The following GALNT14 variants were observed in gnomAD, a reference collection of about 807,000 sequenced individuals.
GALNT14 encodes UDP-GalNAc:polypeptide N-acetylgalactosaminyltransferase 14.
Under a neutral mutation model 77.5 loss-of-function variants are expected in GALNT14, and 60 were observed. The ratio of observed to expected loss-of-function variants is 0.77; its 90% CI spans 0.63 to 0.96. The LOEUF is 0.96. Among genes scored for constraint, GALNT14 ranks in the 40% least tolerant of loss-of-function variants. GALNT14 has a pLI of 0.00. For synonymous variants in GALNT14, 280 were observed against 281.7 expected, an observed-to-expected ratio of 0.99 and a Z score of 0.06; for missense variants, 710 against 731.0, an observed-to-expected ratio of 0.97 and a Z score of 0.33.
At chr2:31,132,936 A>G (rs938810401) in intron 1 of GALNT14, among the ~76,000 whole-genome samples, 8 of 152,144 alleles carry the variant, frequency 5.3e-5, no homozygotes, top group Admixed American at 5.2e-4. Flanking sequence ...TTCAGATCCT[A>G]CACTGGGTGG....
chr2:31,035,563 G>GTGTA (rs1672666465), intron 1 of GALNT14, among the ~76,000 whole-genome samples: 1 of 137,876 alleles, frequency 7.3e-6, no homozygotes, highest in African/African-American at 2.9e-5. Flanking sequence ...ATGTGTGTGT[G>GTGTA]TGTGTATGTG....
At chr2:30,935,430 A>G (rs2148262830) in intron 9 of GALNT14, among the ~76,000 whole-genome samples, 1 of 152,302 alleles carries the variant, frequency 6.6e-6, no homozygotes, top group East Asian at 1.9e-4. Flanking sequence ...GTCCTGAAGG[A>G]TGTCCATCTC....
At chr2:30,917,519 T>A (rs1029151808) in intron 13 of GALNT14, among the ~76,000 whole-genome samples, 6 of 152,156 alleles carry the variant, frequency 3.9e-5, no homozygotes, top group Admixed American at 1.3e-4. Context: ...CCTTACCCCA[T>A]CTGTCAATAC....
At chr2:31,021,666 C>G (rs1671728830) in intron 1 of GALNT14, among the ~76,000 whole-genome samples, 1 of 152,316 alleles carries the variant, frequency 6.6e-6, no homozygotes, top group East Asian at 1.9e-4. Context: ...CTTGCATGCT[C>G]TCTATGACCA....
chr2:31,008,372 C>T (rs111291294), intron 1 of GALNT14, among the ~76,000 whole-genome samples: 8,310 of 152,202 alleles, frequency 0.055, 683 homozygotes, highest in African/African-American at 0.18. Flanking sequence ...GCTGGGATTA[C>T]AGGTATGAAC....
intron 13 of GALNT14, among the ~76,000 whole-genome samples, chr2:30,918,654 G>A (rs1664837587): frequency 7.9e-6 from 1 of 126,200 alleles, no homozygotes; most frequent in African/African-American, 2.7e-5. Flanking sequence ...GGGCAGGGAG[G>A]ATGGCATCGG....
chr2:30,972,039 C>T (rs539657590), intron 2 of GALNT14, among the ~76,000 whole-genome samples: 30 of 152,358 alleles, frequency 2.0e-4, no homozygotes, highest in East Asian at 5.8e-4. Flanking sequence ...CTTCCTCCTG[C>T]GGCATGCTGC....
At chr2:31,020,141 T>G (rs1671624292) in intron 1 of GALNT14, among the ~76,000 whole-genome samples, 3 of 152,148 alleles carry the variant, frequency 2.0e-5, no homozygotes, top group South Asian at 2.1e-4. Flanking sequence ...AGTCAGGGAC[T>G]TGGGAACACA....
At chr2:30,936,343 A>G (rs1666057904) in intron 9 of GALNT14, among the ~76,000 whole-genome samples, 1 of 152,112 alleles carries the variant, frequency 6.6e-6, no homozygotes, top group Non-Finnish European at 1.5e-5. Context: ...GAAGCAAACC[A>G]CGACTATTCA....
At chr2:30,948,074 G>GCACACAAACACCACCATC (rs1485387680) in intron 6 of GALNT14, among the ~76,000 whole-genome samples, 1 of 152,130 alleles carries the variant, frequency 6.6e-6, no homozygotes, top group Non-Finnish European at 1.5e-5. Context: ...CATACTGCAG[G>GCACACAAACACCACCATC]CACACAAACA....
intron 1 of GALNT14, among the ~76,000 whole-genome samples, chr2:31,020,103 A>G (rs544273354): frequency 5.9e-5 from 9 of 152,282 alleles, no homozygotes; most frequent in Admixed American, 5.2e-4. Context: ...CCCTTCTGCC[A>G]GCCACTGCTG....
chr2:30,935,766 G>A (rs1299897863), intron 9 of GALNT14, among the ~76,000 whole-genome samples: 12 of 152,190 alleles, frequency 7.9e-5, no homozygotes, highest in Non-Finnish European at 1.2e-4. Context: ...CTGGTGGTTC[G>A]TAGATATCTG....
chr2:31,026,531 C>T (rs1050741588), intron 1 of GALNT14, among the ~76,000 whole-genome samples: 7 of 152,130 alleles, frequency 4.6e-5, no homozygotes, highest in Admixed American at 2.0e-4. Flanking sequence ...GTCGGGGTGA[C>T]GCCAAGTCAC....
intron 1 of GALNT14, among the ~76,000 whole-genome samples, chr2:31,088,410 G>C (rs962227096): frequency 2.6e-5 from 4 of 152,164 alleles, no homozygotes; most frequent in African/African-American, 9.7e-5. Flanking sequence ...GTGCAGATAT[G>C]CCCTGAGTAG....
At chr2:30,919,515 C>G (rs1664906809) in intron 13 of GALNT14, among the ~76,000 whole-genome samples, 1 of 152,210 alleles carries the variant, frequency 6.6e-6, no homozygotes, top group African/African-American at 2.4e-5. Context: ...CCCTTGGCTC[C>G]CATTCTCTGG....
At chr2:31,120,111 G>A (rs1045484924) in intron 1 of GALNT14, among the ~76,000 whole-genome samples, 1 of 67,732 alleles carries the variant, frequency 1.5e-5, no homozygotes, top group Non-Finnish European at 4.0e-5. Context: ...AGCCGAGATC[G>A]CGCCACTGCA....
chr2:31,072,879 G>A (rs771008346), intron 1 of GALNT14, among the ~76,000 whole-genome samples: 12 of 152,118 alleles, frequency 7.9e-5, no homozygotes, highest in Non-Finnish European at 1.3e-4. Context: ...TTTGAGCCCT[G>A]CATTTTTTAC....
intron 1 of GALNT14, among the ~76,000 whole-genome samples, chr2:31,094,943 T>C (rs1030962054): frequency 1.3e-5 from 2 of 151,990 alleles, no homozygotes; most frequent in Admixed American, 6.6e-5. Flanking sequence ...AGCCACAAGA[T>C]AGGAATATCA....
intron 1 of GALNT14, among the ~76,000 whole-genome samples, chr2:31,013,526 C>T (rs554943859): frequency 2.6e-5 from 4 of 152,314 alleles, no homozygotes; most frequent in South Asian, 2.1e-4. Context: ...GCAACACCCA[C>T]GGGGCTGAGT....
Sources: gnomAD v4.1 joint callset for allele counts (sites outside exome capture counted in the v4.1 genomes callset) on GRCh38, gnomAD v4.1.1 for gene constraint, MANE v1.5 for transcripts, NCBI Gene and HGNC (gene_info 2026-07-23, HGNC 2026-07-21) for gene names.